CHIC1: variants seen among roughly 807,000 people sequenced by gnomAD.
CHIC1 encodes cysteine rich hydrophobic domain 1, also known as cysteine-rich hydrophobic domain-containing protein 1.
Under a neutral mutation model 18.5 loss-of-function variants are expected in CHIC1, and 7 were observed. The observed-to-expected ratio is 0.38, with a 90% CI of 0.22 to 0.71. The LOEUF is 0.71. Among genes scored for constraint, CHIC1 ranks in the 30% least tolerant of loss-of-function variants. The pLI is 0.49. For synonymous variants in CHIC1, 77 were observed against 73.5 expected (o/e 1.05, Z -0.25); for missense variants, 159 against 176.9 (o/e 0.90, Z 0.57).
intron 3 of CHIC1, among the ~76,000 whole-genome samples, chrX:73,632,954 G>A (rs2057814802): frequency 9.3e-6 from 1 of 107,263 alleles, no homozygotes; most frequent in Admixed American, 1.0e-4. Flanking sequence ...ATTTTTAGTT[G>A]AGATGGGGTT....
At chrX:73,607,197 G>T (rs1389825641) in intron 3 of CHIC1, among the ~76,000 whole-genome samples, 2 of 108,972 alleles carry the variant, frequency 1.8e-5, no homozygotes, top group East Asian at 5.6e-4. Context: ...GACGAATCTA[G>T]AGAGGTAATT....
rs770805989 is a variant in CHIC1 at position 73,599,817 on chromosome X, C to T, written c.507+15245C>T. 3.7e-5 allele frequency among the ~76,000 whole-genome samples: 4 copies of T among 107,031 alleles called. No homozygotes were observed. In the East Asian group the frequency reaches 1.2e-3, roughly 31 times the overall value. 92.9% of individuals were successfully genotyped at this position (107,031 alleles called of 115,157 possible). On this transcript the variant is annotated intron_variant, in intron 3 of 5. Coordinates refer to ENST00000373502, the MANE Select transcript of CHIC1 (RefSeq NM_001039840.4). ...CTTAGGAGTGACTTGGCAATGTGGGCTCTTTTTTGGTTCCATATGAACTTT... is the reference window on the plus strand; with the variant it reads ...CTTAGGAGTGACTTGGCAATGTGGGTTCTTTTTTGGTTCCATATGAACTTT...
Position 73,681,510 on chromosome X carries a change from T to C in CHIC1, c.*505T>C, listed in dbSNP as rs2058099270. ...ATGGCACTGGTTTTGTCCTGCACTT[T>C]GCTTTATCACTTATGTTAGTGGATA... On this transcript the variant is annotated 3_prime_UTR_variant, in exon 6 of 6. Coordinates refer to ENST00000373502, the MANE Select transcript of CHIC1 (RefSeq NM_001039840.4). The C allele has an allele frequency of 8.9e-6, 1 of 112,828 alleles. No homozygotes were observed. The highest frequency in any genetic ancestry group is 1.9e-5 in the Non-Finnish European group (1 of 53,242). The allele number at this position is 112,828 out of a possible 1,213,427, so 9.3% of individuals were successfully genotyped here.
intron 3 of CHIC1, among the ~76,000 whole-genome samples, chrX:73,674,904 G>C (rs1416702229): frequency 9.1e-6 from 1 of 109,819 alleles, no homozygotes; most frequent in African/African-American, 3.3e-5. Context: ...ACACTGCTTT[G>C]AATGTGTCCC....
chrX:73,677,992 T>C (rs1769907), intron 3 of CHIC1, among the ~76,000 whole-genome samples: 1 of 95,210 alleles, frequency 1.1e-5, no homozygotes, highest in African/African-American at 4.1e-5. Context: ...TTGGAGGTTG[T>C]TTTTTTTTTT....
chrX:73,626,479 G>GT (rs1272292653), intron 3 of CHIC1, among the ~76,000 whole-genome samples: 7 of 110,490 alleles, frequency 6.3e-5, no homozygotes, highest in Non-Finnish European at 1.1e-4. Context: ...ATGCTTTACG[G>GT]TTTTTTATTT....
intron 2 of CHIC1, among the ~76,000 whole-genome samples, chrX:73,583,016 T>A (rs1015769183): frequency 1.8e-5 from 2 of 111,348 alleles, no homozygotes; most frequent in Non-Finnish European, 3.8e-5. Context: ...TTTTGCCATT[T>A]AATTGGAATT....
At chrX:73,675,966 G>T (rs1406663281) in intron 3 of CHIC1, among the ~76,000 whole-genome samples, 3 of 110,779 alleles carry the variant, frequency 2.7e-5, no homozygotes, top group East Asian at 2.8e-4. Flanking sequence ...GTCTGTAAAG[G>T]ATTTTATTTC....
intron 5 of CHIC1, among the ~76,000 whole-genome samples, chrX:73,680,265 A>G (rs994009324): frequency 2.7e-5 from 3 of 110,791 alleles, no homozygotes; most frequent in African/African-American, 9.8e-5. Context: ...CATTTATCCA[A>G]ACTTCCAATA....
chrX:73,662,423 A>T (rs188187523), intron 3 of CHIC1, among the ~76,000 whole-genome samples: 81 of 103,500 alleles, frequency 7.8e-4, no homozygotes, highest in African/African-American at 2.9e-3. Context: ...AGTGGGAAAA[A>T]CAAACAACTG....
chrX:73,574,623 T>C (rs1172912707), intron 1 of CHIC1, among the ~76,000 whole-genome samples: 1 of 110,445 alleles, frequency 9.1e-6, no homozygotes, highest in African/African-American at 3.3e-5. Context: ...TTGGTCTGTT[T>C]AGGGCTTCAA....
At chrX:73,659,616 C>T (rs987419832) in intron 3 of CHIC1, among the ~76,000 whole-genome samples, 1 of 110,982 alleles carries the variant, frequency 9.0e-6, no homozygotes, top group African/African-American at 3.3e-5. Context: ...ATACAAGAGG[C>T]GAACCAAGCC....
intron 3 of CHIC1, among the ~76,000 whole-genome samples, chrX:73,673,889 CATAG>C (rs1444852982): frequency 2.7e-5 from 3 of 111,688 alleles, no homozygotes; most frequent in Non-Finnish European, 5.6e-5. Context: ...GTGGGTTTGT[CATAG>C]ATAGCTCTTA....
At chrX:73,594,570 G>C (rs777269875) in intron 3 of CHIC1, among the ~76,000 whole-genome samples, 1 of 112,048 alleles carries the variant, frequency 8.9e-6, no homozygotes, top group Non-Finnish European at 1.9e-5. Context: ...TTAAATGTAA[G>C]GGCCAGCAGA....
At chrX:73,609,527 G>T (rs1025504259) in intron 3 of CHIC1, among the ~76,000 whole-genome samples, 1 of 108,643 alleles carries the variant, frequency 9.2e-6, no homozygotes, top group African/African-American at 3.6e-5. Context: ...TCAGCCTCCC[G>T]AGTAGCGGCA....
At chrX:73,615,694 A>G (rs1362247793) in intron 3 of CHIC1, among the ~76,000 whole-genome samples, 3 of 110,532 alleles carry the variant, frequency 2.7e-5, no homozygotes, top group African/African-American at 9.9e-5. Flanking sequence ...GTCCAGATGG[A>G]TGTGTCCTCA....
At chrX:73,636,574 A>T (rs1449159436) in intron 3 of CHIC1, among the ~76,000 whole-genome samples, 2 of 111,686 alleles carry the variant, frequency 1.8e-5, no homozygotes, top group African/African-American at 6.5e-5. Flanking sequence ...TTCATGTCTT[A>T]TAACTGTTTT....
In CHIC1 at chrX:73,681,323, C is replaced by T. The variant is rs1165525483; in HGVS notation, c.*318C>T. 5.9e-6 allele frequency: 1 copy of T among 168,175 alleles called. No individual in the cohort carries two copies. The highest frequency in any genetic ancestry group is 3.1e-5 in the African/African-American group (1 of 32,592). The allele number at this position is 168,175 out of a possible 1,213,427, so 13.9% of individuals were successfully genotyped here. A position where few individuals can be genotyped will look rare whatever the true frequency, so the allele number is the denominator to read the frequency against. On this transcript the variant is annotated 3_prime_UTR_variant, in exon 6 of 6. Coordinates refer to ENST00000373502, the MANE Select transcript of CHIC1 (RefSeq NM_001039840.4). ...CAAAAACTTGTTCTGAGCATGCTGC[C>T]TTATAATTTTCATACTCATTGTTTC...
intron 3 of CHIC1, among the ~76,000 whole-genome samples, chrX:73,677,051 TTGG>T (rs1356748416): frequency 9.0e-6 from 1 of 111,646 alleles, no homozygotes; most frequent in African/African-American, 3.3e-5. Context: ...ACAGCGGATG[TTGG>T]TGAACTGCAA....
Sources: allele counts gnomAD v4.1 joint callset (sites outside exome capture counted in the v4.1 genomes callset), GRCh38; gene constraint gnomAD v4.1.1; transcripts MANE v1.5; gene names NCBI Gene and HGNC (gene_info 2026-07-23, HGNC 2026-07-21).